CRLS1: variants seen among roughly 807,000 people sequenced by gnomAD.
CRLS1 encodes the protein cardiolipin synthase 1.
CRLS1 carries 24 observed loss-of-function variants against 37.0 expected under a neutral mutation model. The ratio of observed to expected loss-of-function variants is 0.65; its 90% CI spans 0.47 to 0.91. The LOEUF is 0.91. Ranked by LOEUF, CRLS1 falls within the 40% of genes least tolerant of loss-of-function variation. CRLS1 has a pLI of 0.00. For missense variants in CRLS1, 373 were observed against 395.8 expected, an observed-to-expected ratio of 0.94 and a Z score of 0.49; for synonymous variants, 135 against 159.7, an observed-to-expected ratio of 0.85 and a Z score of 1.17.
chr20:6,008,793 G>T (rs1253183001), intron 1 of CRLS1, among the ~76,000 whole-genome samples: 1 of 152,146 alleles, frequency 6.6e-6, no homozygotes, highest in Admixed American at 6.5e-5. Context: ...ATGTGTAAGG[G>T]AGTGAGGGAG....
At chr20:6,006,072 T>C (rs2090048908), upstream of CRLS1, 2 of 378,286 alleles carry the variant, frequency 5.3e-6, no homozygotes, top group Non-Finnish European at 9.2e-6. Flanking sequence ...CGTCCGCCCT[T>C]GGCGGCTTCC....
rs778204095 is a variant in CRLS1, at chr20:6,006,374, G to T, written c.128G>T (p.Gly43Val). Residue 43 changes from glycine to valine, a missense_variant, in exon 1 of 7, where the codon GGC becomes GTC. Coordinates refer to ENST00000378863, the MANE Select transcript of CRLS1 (RefSeq NM_019095.6). ...ALLPPVPCCL[G>V]CLAERWRLRP... Reference sequence around the variant, plus strand: ...CTGCCGCCCGTGCCCTGCTGCTTGGGCTGCCTGGCCGAACGCTGGAGGCTG... The same window carrying T: ...CTGCCGCCCGTGCCCTGCTGCTTGGTCTGCCTGGCCGAACGCTGGAGGCTG... 197 of 1,406,118 alleles carry T rather than the reference G, an allele frequency of 1.4e-4. 4 individuals are homozygous for T. The South Asian group carries it at 2.9e-3, about 21-fold the overall frequency. The allele number at this position is 1,406,118 out of a possible 1,614,324, so 87.1% of individuals were successfully genotyped here.
At chr20:6,019,743 C>CCT (rs1979094097) in intron 3 of CRLS1, among the ~76,000 whole-genome samples, 2 of 139,714 alleles carry the variant, frequency 1.4e-5, no homozygotes, top group African/African-American at 5.3e-5. Flanking sequence ...CTCACTGCAA[C>CCT]CTCTGCCTCC....
chr20:6,006,344 C>A lies in CRLS1; in HGVS notation c.98C>A (p.Ala33Asp). Residue 33 changes from alanine to aspartate, a missense_variant, in exon 1 of 7, where the codon GCC (alanine) becomes GAC (aspartate). Coordinates refer to ENST00000378863, the MANE Select transcript of CRLS1 (RefSeq NM_019095.6). Reference protein sequence around the residue: ...TRPSKRRACWALLPPVPCCLG... With the variant: ...TRPSKRRACWDLLPPVPCCLG... ...CCGAGTAAGCGACGCGCCTGCTGGG[C>A]CCTGCTGCCGCCCGTGCCCTGCTGC... The A allele has an allele frequency of 7.3e-7, 1 of 1,378,092 alleles. No homozygotes were observed. The highest frequency in any genetic ancestry group is 1.7e-5 in the South Asian group (1 of 60,178). The allele number at this position is 1,378,092 out of a possible 1,614,324, so 85.4% of individuals were successfully genotyped here.
In CRLS1 at chr20:6,013,135, A is replaced by T. The variant is rs566795845; in HGVS notation, c.445-2226A>T. The stretch of plus-strand genomic sequence containing the variant: ...AGATATATACTGGGGAATTATATCT[A>T]TGTGTATATAGATAGATAGATATAA... On this transcript the variant is annotated intron_variant, in intron 2 of 6. Transcript: ENST00000378863. Among the ~76,000 whole-genome samples, 4 of 151,994 alleles carry T rather than the reference A, an allele frequency of 2.6e-5. No individual in the cohort carries two copies. The East Asian group carries it at 7.7e-4, about 29-fold the overall frequency.
At chr20:6,008,642 A>G (rs924072202) in intron 1 of CRLS1, among the ~76,000 whole-genome samples, 1 of 152,242 alleles carries the variant, frequency 6.6e-6, no homozygotes, top group African/African-American at 2.4e-5. Flanking sequence ...CTCGATTTCC[A>G]AATATCACAA....
At chr20:6,006,688 AC>A (rs2090060833) in intron 1 of CRLS1, 136 bp downstream of exon 1, 1 of 1,209,908 alleles carries the variant, frequency 8.3e-7, no homozygotes, top group Non-Finnish European at 1.0e-6. Flanking sequence ...AAAAGAAGTT[AC>A]TGGCAGGTCA....
chr20:6,007,291 G>A (rs1449745987), intron 1 of CRLS1: 1 of 1,567,090 alleles, frequency 6.4e-7, no homozygotes, highest in Non-Finnish European at 8.7e-7. Flanking sequence ...ATCCTGGCAG[G>A]GGTCTCAACT....
Position 6,007,431 on chromosome 20 carries a change from G to A in CRLS1, c.306+879G>A. 1.9e-6 allele frequency: 3 copies of A among 1,611,828 alleles called. No individual in the cohort carries two copies. The South Asian group carries it at 3.3e-5, about 18-fold the overall frequency. ...CACAGGTTATCTGGTTGAGTAATCTGAGATTAGCTCTCCTAACATTAACTT... is the reference window on the plus strand; with the variant it reads ...CACAGGTTATCTGGTTGAGTAATCTAAGATTAGCTCTCCTAACATTAACTT... On this transcript the variant is annotated intron_variant, in intron 1 of 6. Coordinates refer to ENST00000378863, the MANE Select transcript of CRLS1 (RefSeq NM_019095.6).
At position 6,027,855 on chromosome 20, in the gene CRLS1, C is replaced by G. The variant is rs569131598; in HGVS notation, c.575-3430C>G. On this transcript the variant is annotated intron_variant, in intron 3 of 6. Coordinates refer to ENST00000378863, the MANE Select transcript of CRLS1 (RefSeq NM_019095.6). ...CCTAGCAGTAAGGTGTTAGGGAACG[C>G]TTGGGGCGGGGATCTAACTGCTCTT... Among the ~76,000 whole-genome samples the G allele has an allele frequency of 3.9e-5, 6 of 152,186 alleles. No homozygotes were observed. In the South Asian group the frequency reaches 6.2e-4, roughly 16 times the overall value.
intron 2 of CRLS1, among the ~76,000 whole-genome samples, chr20:6,011,642 G>A (rs1301719976): frequency 8.0e-6 from 1 of 124,702 alleles, no homozygotes; most frequent in Non-Finnish European, 1.6e-5. Context: ...CTGGAGTGCA[G>A]TGGCGTGATG....
At chr20:6,006,647 T>C in intron 1 of CRLS1, 95 bp downstream of exon 1, 1 of 1,213,802 alleles carries the variant, frequency 8.2e-7, no homozygotes, top group South Asian at 4.2e-5. Context: ...GCTCGGACGC[T>C]TCCGTTTCCT....
chr20:6,015,675 C>T, intron 3 of CRLS1, 185 bp downstream of exon 3: 1 of 561,492 alleles, frequency 1.8e-6, no homozygotes. Flanking sequence ...GAATTTATGT[C>T]CTTGTTTTAC....
chr20:6,006,283 G>A lies in CRLS1; in HGVS notation c.37G>A (p.Ala13Thr), dbSNP rs1057177124. The A allele has an allele frequency of 4.7e-6, 6 of 1,281,748 alleles. No individual in the cohort carries two copies. The highest frequency in any genetic ancestry group is 5.3e-5 in the South Asian group (2 of 37,570). 79.4% of individuals were successfully genotyped at this position (1,281,748 alleles called of 1,614,324 possible). The change falls in exon 1 of 7, where the codon GCC (alanine) becomes ACC (threonine). Residue 13 changes from alanine to threonine, a missense_variant. By Grantham distance (58) the Ala-to-Thr change is moderately conservative. Transcript: ENST00000378863. ...ALRVARGSWGALRGAAWAPGT... is the reference protein window; with the variant it reads ...ALRVARGSWGTLRGAAWAPGT... ...GCGCGTGGCGCGCGGCTCGTGGGGG[G>A]CCCTGCGCGGCGCCGCTTGGGCTCC...
chr20:6,027,694 T>C (rs1459397516), intron 3 of CRLS1, among the ~76,000 whole-genome samples: 4 of 152,126 alleles, frequency 2.6e-5, no homozygotes, highest in African/African-American at 9.7e-5. Context: ...GGATTACAGG[T>C]GTGAGCCACC....
rs1359455527 is a variant in CRLS1 at position 6,037,530 on chromosome 20, T to C, written c.*372T>C. The C allele has an allele frequency of 6.3e-6, 1 of 159,578 alleles. No homozygotes were observed. Among genetic ancestry groups the C allele is most frequent in the African/African-American group, 2.4e-5 (1 of 41,672 alleles). 9.9% of individuals were successfully genotyped at this position (159,578 alleles called of 1,614,324 possible). The stretch of plus-strand genomic sequence containing the variant: ...GAAATTTGGATTGCTCACAAAGCAC[T>C]AGGAAATGTCATGGGGTTCAAATAT... On this transcript the variant is annotated 3_prime_UTR_variant, in exon 7 of 7. Coordinates refer to ENST00000378863, the MANE Select transcript of CRLS1 (RefSeq NM_019095.6).
At chr20:6,010,527 C>T (rs1471778514) in intron 2 of CRLS1, among the ~76,000 whole-genome samples, 1 of 152,192 alleles carries the variant, frequency 6.6e-6, no homozygotes, top group Non-Finnish European at 1.5e-5. Flanking sequence ...CCTTCATTCT[C>T]CTCCCTCAGC....
Position 6,023,850 on chromosome 20 carries a change from T to C in CRLS1, c.575-7435T>C, listed in dbSNP as rs752292173. 2.6e-5 allele frequency among the ~76,000 whole-genome samples: 4 copies of C among 152,306 alleles called. No individual in the cohort carries two copies. The East Asian group carries it at 5.8e-4, about 22-fold the overall frequency. On this transcript the variant is annotated intron_variant, in intron 3 of 6. Coordinates refer to ENST00000378863, the MANE Select transcript of CRLS1 (RefSeq NM_019095.6). ...TATTGCATTTCACTTTATTGCACTTTGCAAAGTGACATTTTTTACAGATTC... is the reference window on the plus strand; with the variant it reads ...TATTGCATTTCACTTTATTGCACTTCGCAAAGTGACATTTTTTACAGATTC...
chr20:6,010,335 A>G (rs2090116985), intron 2 of CRLS1, among the ~76,000 whole-genome samples: 1 of 152,240 alleles, frequency 6.6e-6, no homozygotes, highest in Non-Finnish European at 1.5e-5. Flanking sequence ...AAACTGGACC[A>G]GTTGTTATGA....
Sources: allele counts gnomAD v4.1 joint callset (sites outside exome capture counted in the v4.1 genomes callset), GRCh38; gene constraint gnomAD v4.1.1; transcripts MANE v1.5; gene names NCBI Gene and HGNC (gene_info 2026-07-23, HGNC 2026-07-21).